Variants in MYH4 observed in about 807,000 individuals in gnomAD.
MYH4 encodes myosin-4.
In MYH4, 200 loss-of-function variants were observed where a neutral mutation model predicts 229.9. The observed-to-expected ratio is 0.87, with a 90% confidence interval of 0.78 to 0.98. The LOEUF is 0.98. Among genes scored for constraint, MYH4 ranks in the 50% least tolerant of loss-of-function variants. The pLI, the probability that MYH4 is intolerant of heterozygous loss-of-function variation, is 0.00. For missense variants in MYH4, 2,148 were observed against 2,332.6 expected (o/e 0.92, Z 1.63); for synonymous variants, 761 against 834.6 (o/e 0.91, Z 1.52).
At chr17:10,452,351 T>C in intron 26 of MYH4, 21 bp from the exon 27 acceptor site, 1 of 1,614,144 alleles carries the variant, frequency 6.2e-7, no homozygotes, top group Non-Finnish European at 8.5e-7. Context: ...TATGTCAACA[T>C]TAATGTGAAT....
Position 10,455,730 on chromosome 17 carries a change from A to T in MYH4, c.2058T>A (p.Gly686=). 1 of 1,614,150 alleles carries T rather than the reference A, an allele frequency of 6.2e-7. No homozygotes were observed. The highest frequency in any genetic ancestry group is 8.5e-7 in the Non-Finnish European group (1 of 1,180,028). ...GCAGGACAAGCTCATGCTCCATGGC[A>T]CCTAAGAGAATGAATCCACATGCCA... ...CIIPNETKTP[G]AMEHELVLHQ... Residue 686 remains glycine (G), a splice_region_variant and synonymous_variant, in exon 19 of 40, where the codon GGT becomes GGA. Coordinates refer to ENST00000255381, the MANE Select transcript of MYH4 (RefSeq NM_017533.2).
intron 27 of MYH4, 141 bp downstream of exon 27, chr17:10,451,800 A>G: frequency 9.3e-7 from 1 of 1,076,104 alleles, no homozygotes; most frequent in East Asian, 2.5e-5. Context: ...GTGATTCAAT[A>G]CAATAATGTG....
chr17:10,445,019 G>T lies in MYH4; in HGVS notation c.5423C>A (p.Ala1808Glu). 2 of 1,614,110 alleles carry T rather than the reference G, an allele frequency of 1.2e-6. No individual in the cohort carries two copies. The highest frequency in any genetic ancestry group is 1.7e-6 in the Non-Finnish European group (2 of 1,180,008). ...GATCTGCTTCTTCCCACCCTTCAGC[G>T]CCAGCTGCTCAGCCTCATCCAGACG... ...QLRLDEAEQL[A>E]LKGGKKQIQK... Residue 1808 changes from alanine to glutamate, a missense_variant, in exon 37 of 40, where the codon GCG (alanine) becomes GAG (glutamate). By Grantham distance (107) the Ala-to-Glu change is moderately radical. Coordinates refer to ENST00000255381, the MANE Select transcript of MYH4 (RefSeq NM_017533.2).
chr17:10,447,731 G>T, intron 34 of MYH4, 87 bp downstream of exon 34: 3 of 1,287,954 alleles, frequency 2.3e-6, no homozygotes, highest in Non-Finnish European at 3.2e-6. Flanking sequence ...GGTGATTTAT[G>T]ACACATAGTC....
chr17:10,458,850 C>T (rs561543427), intron 15 of MYH4, among the ~76,000 whole-genome samples: 1 of 152,132 alleles, frequency 6.6e-6, no homozygotes, highest in African/African-American at 2.4e-5. Context: ...ATCTTTAAGA[C>T]GTGTTGACAT....
chr17:10,457,220 T>G (rs955869492), intron 16 of MYH4, among the ~76,000 whole-genome samples, 200 bp downstream of exon 16: 1 of 152,380 alleles, frequency 6.6e-6, no homozygotes, highest in East Asian at 1.9e-4. Context: ...GGCTGTGGGC[T>G]AAATGCTCCA....
intron 19 of MYH4, 119 bp downstream of exon 19, chr17:10,455,495 A>G: frequency 7.1e-7 from 1 of 1,411,622 alleles, no homozygotes; most frequent in Non-Finnish European, 9.7e-7. Flanking sequence ...TCTTTCTTTT[A>G]TGATCAATTT....
Position 10,443,580 on chromosome 17 carries a change from G to T in MYH4, c.5668-53C>A. On this transcript the variant is annotated intron_variant, in intron 39 of 39. Transcript: ENST00000255381. This position sits in a 1 kb window ranked among gnomAD's most constrained non-coding sequence, Gnocchi z 4.6. ...CAAGAAAATTGGACATTTCCTGATT[G>T]TTATTGCTTTTGTTACTTCAGGATT... is the stretch of plus-strand genomic sequence containing the variant. 1 of 1,556,522 alleles carries T rather than the reference G, an allele frequency of 6.4e-7. No individual in the cohort carries two copies. The highest frequency in any genetic ancestry group is 1.8e-5 in the Admixed American group (1 of 55,034).
chr17:10,452,300 C>T lies in MYH4; in HGVS notation c.3379G>A (p.Glu1127Lys), dbSNP rs574656865. ...ARIEELEEEI[E>K]AERASRAKAE... is the part of the protein sequence containing the mutation. The stretch of plus-strand genomic sequence containing the variant: ...TTGGCCCGGGAGGCCCGCTCTGCCT[C>T]GATTTCCTCCTCCAGCTCCTCAATG... Residue 1127 changes from glutamate (E) to lysine (K), a missense_variant, in exon 27 of 40, where the codon GAG becomes AAG. By Grantham distance (56) the Glu-to-Lys change is moderately conservative. Coordinates refer to ENST00000255381, the MANE Select transcript of MYH4 (RefSeq NM_017533.2). 15 of 1,614,070 alleles carry T rather than the reference C, an allele frequency of 9.3e-6. No individual in the cohort carries two copies. The East Asian group carries it at 1.1e-4, about 12-fold the overall frequency.
In MYH4 at chr17:10,444,887, C is replaced by T. The variant is rs773154000; in HGVS notation, c.5479G>A (p.Glu1827Lys). Residue 1827 changes from glutamate to lysine, a missense_variant, in exon 38 of 40, where the codon GAA becomes AAA. Coordinates refer to ENST00000255381, the MANE Select transcript of MYH4 (RefSeq NM_017533.2). ...TTCTGTTCACTTTCCACCTCACTTTCAAGCTCTCTCACCTGGAAGGGAACA... is the reference window on the plus strand; with the variant it reads ...TTCTGTTCACTTTCCACCTCACTTTTAAGCTCTCTCACCTGGAAGGGAACA... ...QKLEARVREL[E>K]SEVESEQKHN... 1 of 1,614,022 alleles carries T rather than the reference C, an allele frequency of 6.2e-7. No homozygotes were observed. The highest frequency in any genetic ancestry group is 8.5e-7 in the Non-Finnish European group (1 of 1,180,032).
At position 10,457,766 on chromosome 17, in the gene MYH4, C is replaced by T; in HGVS notation, c.1588-37G>A. On this transcript the variant is annotated intron_variant, in intron 15 of 39. Transcript: ENST00000255381. ...AAAAAAGGGATGATAATGATGAGTC[C>T]CTCAGAAAGTTATGCTCCATGTAAT... is the stretch of plus-strand genomic sequence containing the variant. The T allele has an allele frequency of 1.3e-6, 2 of 1,584,698 alleles. 1 individual carries two copies. The highest frequency in any genetic ancestry group is 2.3e-5 in the South Asian group (2 of 86,868).
chr17:10,465,846 C>T (rs2072759838), intron 4 of MYH4, among the ~76,000 whole-genome samples: 1 of 136,372 alleles, frequency 7.3e-6, no homozygotes, highest in Admixed American at 8.2e-5. Context: ...GGGATCTCGG[C>T]TCACTGCAAG....
intron 17 of MYH4, 57 bp from the exon 18 acceptor site, chr17:10,455,958 C>T: frequency 6.3e-7 from 1 of 1,594,452 alleles, no homozygotes; most frequent in Non-Finnish European, 8.6e-7. Context: ...ACATGAGAGT[C>T]CCTATCAATA....
chr17:10,458,354 C>T (rs1331078482), intron 15 of MYH4, among the ~76,000 whole-genome samples: 2 of 152,054 alleles, frequency 1.3e-5, no homozygotes, highest in Non-Finnish European at 2.9e-5. Flanking sequence ...TTTGGTGATA[C>T]AGAAACTGAA....
chr17:10,456,606 A>G, intron 16 of MYH4, 51 bp from the exon 17 acceptor site: 1 of 1,475,358 alleles, frequency 6.8e-7, no homozygotes. Context: ...CCTTTTAAGT[A>G]CTATCCATAA....
rs1223013557 is a variant in MYH4, at chr17:10,453,881, G to T, written c.2696C>A (p.Ala899Glu). 9 of 1,613,618 alleles carry T rather than the reference G, an allele frequency of 5.6e-6. No homozygotes were observed. The African/African-American group carries it at 6.7e-5, about 12-fold the overall frequency. ...TTCCTCTGCATCAGCCAAGGCATCT[G>T]CTTCCTAAAGGGAGAAATTAAGCAT... The part of the protein sequence containing the change: ...NDLQLQVQAE[A>E]DALADAEERC... The change falls in exon 23 of 40, where the codon GCA (alanine) becomes GAA (glutamate). Residue 899 changes from alanine to glutamate, a missense_variant. Ala to Glu is a moderately radical substitution (Grantham distance 107). Transcript: ENST00000255381.
At chr17:10,455,558 T>C in intron 19 of MYH4, 56 bp downstream of exon 19, 1 of 1,593,174 alleles carries the variant, frequency 6.3e-7, no homozygotes, top group Non-Finnish European at 8.6e-7. Context: ...GTTGGAATTA[T>C]ATAGTGATTT....
intron 17 of MYH4, 52 bp downstream of exon 17, chr17:10,456,433 G>A (rs1156502724): frequency 2.1e-6 from 3 of 1,458,796 alleles, no homozygotes; most frequent in Non-Finnish European, 2.8e-6. Flanking sequence ...CTGTTTTGAT[G>A]GTTTAGTTTT....
At chr17:10,451,874 C>T in intron 27 of MYH4, 67 bp downstream of exon 27, 2 of 1,528,040 alleles carry the variant, frequency 1.3e-6, no homozygotes, top group Non-Finnish European at 1.8e-6. Flanking sequence ...TAAAAATAGT[C>T]ATATATAAAC....
Sources: allele counts gnomAD v4.1 joint callset (sites outside exome capture counted in the v4.1 genomes callset), GRCh38; gene constraint gnomAD v4.1.1; non-coding constraint Gnocchi (gnomAD v3.1); transcripts MANE v1.5; gene names NCBI Gene and HGNC (gene_info 2026-07-23, HGNC 2026-07-21).